The following PREX1 variants were observed in gnomAD, a reference collection of about 807,000 sequenced individuals.
PREX1 encodes phosphatidylinositol-3,4,5-trisphosphate dependent Rac exchange factor 1.
In PREX1, 41 loss-of-function variants were observed where a neutral mutation model predicts 198.3. The ratio of observed to expected loss-of-function variants is 0.21; its 90% CI spans 0.16 to 0.27. PREX1 has a LOEUF of 0.27. Among genes scored for constraint, PREX1 ranks in the 10% least tolerant of loss-of-function variants. The probability of loss-of-function intolerance (pLI) is 1.00; values close to 1 mark genes in which losing one functional copy is unlikely to be tolerated. For missense variants in PREX1, 1,620 were observed against 2,200.7 expected, an observed-to-expected ratio of 0.74 and a Z score of 5.28; for synonymous variants, 843 against 887.2, an observed-to-expected ratio of 0.95 and a Z score of 0.89.
intron 35 of PREX1, among the ~76,000 whole-genome samples, chr20:48,631,746 G>T (rs1254396801): frequency 6.6e-6 from 1 of 152,262 alleles, no homozygotes; most frequent in Middle Eastern, 3.4e-3. Context: ...GAAGGGCTGT[G>T]GGGGAGGGTG....
At position 48,661,445 on chromosome 20, in the gene PREX1, AT is replaced by A. The variant is rs1432246658; in HGVS notation, c.1739-1385del. On this transcript the variant is annotated intron_variant, in intron 15 of 39. Transcript: ENST00000371941. ...AAAAAAAAAAAAAAAAAAAAAAAAA[AT>A]ATATATATATATATATATATATACA... Among the ~76,000 whole-genome samples the A allele has an allele frequency of 4.3e-3, 231 of 53,130 alleles. 5 individuals carry two copies. Among genetic ancestry groups the A allele is most frequent in the African/African-American group, 6.6e-3 (52 of 7,854 alleles). The allele number at this position is 53,130 out of a possible 152,430, so 34.9% of individuals were successfully genotyped here.
intron 1 of PREX1, among the ~76,000 whole-genome samples, chr20:48,797,105 T>G (rs904357409): frequency 6.6e-6 from 1 of 152,088 alleles, no homozygotes; most frequent in Admixed American, 6.6e-5. Context: ...TTTTAAAATT[T>G]TAATGGAAGA....
At chr20:48,652,490 GAGGA>G in intron 21 of PREX1, 92 bp downstream of exon 21, 10 of 1,452,872 alleles carry the variant, frequency 6.9e-6, no homozygotes. Context: ...GACTGGCTGG[GAGGA>G]GGGGAGGGGA....
chr20:48,651,146 T>A (rs2089492898), intron 22 of PREX1, 91 bp from the exon 23 acceptor site: 1 of 1,476,800 alleles, frequency 6.8e-7, no homozygotes, highest in Non-Finnish European at 9.1e-7. Context: ...CTACTCGTAA[T>A]ACCCCCCGGG....
chr20:48,777,397 C>T (rs2090267490), intron 1 of PREX1, among the ~76,000 whole-genome samples: 1 of 152,182 alleles, frequency 6.6e-6, no homozygotes, highest in Non-Finnish European at 1.5e-5. Context: ...GCTGTTCAAC[C>T]CCAGCAACCT....
intron 4 of PREX1, among the ~76,000 whole-genome samples, chr20:48,733,705 C>CTGTTGT (rs71337454): frequency 6.9e-4 from 104 of 151,198 alleles, no homozygotes; most frequent in Admixed American, 9.9e-4. Flanking sequence ...GTTGTTGTTG[C>CTGTTGT]TGTTGTTGTT....
chr20:48,670,663 TC>T (rs1378095092), intron 14 of PREX1, among the ~76,000 whole-genome samples: 1 of 152,254 alleles, frequency 6.6e-6, no homozygotes, highest in Non-Finnish European at 1.5e-5. Context: ...TCTCTGAGTA[TC>T]CTTTCCTCAT....
chr20:48,763,886 T>A (rs2090195897), intron 1 of PREX1, among the ~76,000 whole-genome samples: 1 of 152,162 alleles, frequency 6.6e-6, no homozygotes, highest in Admixed American at 6.5e-5. Context: ...GTCAACTATG[T>A]ACCCAATGCT....
intron 5 of PREX1, among the ~76,000 whole-genome samples, chr20:48,720,004 T>C (rs2089978387): frequency 6.6e-6 from 1 of 152,156 alleles, no homozygotes; most frequent in Non-Finnish European, 1.5e-5. Flanking sequence ...GCTCTCTCCC[T>C]ATCCTCTTCC....
chr20:48,822,746 C>A (rs762568121), intron 1 of PREX1, among the ~76,000 whole-genome samples: 5 of 152,210 alleles, frequency 3.3e-5, no homozygotes, highest in African/African-American at 4.8e-5. Flanking sequence ...TTTTCTCCAA[C>A]CTAATGTCAC....
intron 15 of PREX1, among the ~76,000 whole-genome samples, chr20:48,661,927 G>A (rs923605546): frequency 3.9e-5 from 6 of 152,162 alleles, no homozygotes; most frequent in Admixed American, 6.6e-5. Flanking sequence ...ATCAAGGCTC[G>A]GAGAGGTAAA....
At position 48,666,323 on chromosome 20, in the gene PREX1, C is replaced by A. The variant is rs146526094; in HGVS notation, c.1698G>T (p.Ala566=). The change falls in exon 15 of 40, where the codon GCG becomes GCT. Residue 566 remains alanine, a synonymous_variant. Coordinates refer to ENST00000371941, the MANE Select transcript of PREX1 (RefSeq NM_020820.4). This position sits in a 1 kb window ranked among gnomAD's most constrained non-coding sequence, Gnocchi z 4.3. ...CATTGTTGCACAGACCCACGCCGAG[C>A]GCCACTGCCTCCTCCCGAGTCTGGC... ...GDCQTREEAV[A]LGVGLCNNGF... 3 of 1,570,116 alleles carry A rather than the reference C, an allele frequency of 1.9e-6. No homozygotes were observed. Among genetic ancestry groups the A allele is most frequent in the East Asian group, 2.4e-5 (1 of 41,966 alleles).
Position 48,652,709 on chromosome 20 carries a change from G to T in PREX1, c.2347-3C>A. On this transcript the variant is annotated splice_region_variant and splice_polypyrimidine_tract_variant and intron_variant, in intron 20 of 39. Coordinates refer to ENST00000371941, the MANE Select transcript of PREX1 (RefSeq NM_020820.4). ...TGGTAGATCCACTGGTACAGGCCCT[G>T]CCAGAAGCCAGAGTAAGGGGACAGC... 6.2e-7 allele frequency: 1 copy of T among 1,610,740 alleles called. No homozygotes were observed.
the PREX1 span, among the ~76,000 whole-genome samples, chr20:48,878,927 G>A: frequency 6.6e-6 from 1 of 152,126 alleles, no homozygotes; most frequent in Admixed American, 6.5e-5. Flanking sequence ...AAGTATTGAG[G>A]CTCCCAAGCC....
At position 48,625,714 on chromosome 20, in the gene PREX1, G is replaced by A; in HGVS notation, c.*171C>T. The A allele has an allele frequency of 2.6e-6, 2 of 779,610 alleles. No individual in the cohort carries two copies. Among genetic ancestry groups the A allele is most frequent in the Non-Finnish European group, 3.9e-6 (2 of 511,142 alleles). The allele number at this position is 779,610 out of a possible 1,614,324, so 48.3% of individuals were successfully genotyped here. ...GCCAATCAGCCAGCTCGTCATCACA[G>A]CGAGGGTGGCCAGGCTTGTCCCGGA... On this transcript the variant is annotated 3_prime_UTR_variant, in exon 40 of 40. Transcript: ENST00000371941.
intron 19 of PREX1, 57 bp from the exon 20 acceptor site, chr20:48,653,554 G>T: frequency 6.4e-7 from 1 of 1,571,948 alleles, no homozygotes; most frequent in South Asian, 1.1e-5. Flanking sequence ...GCAGCCCGCT[G>T]AACACTGTCC....
chr20:48,692,608 G>C (rs1449028787), intron 8 of PREX1, 64 bp downstream of exon 8: 2 of 1,317,538 alleles, frequency 1.5e-6, no homozygotes, highest in East Asian at 2.3e-5. Flanking sequence ...AAATGAAACA[G>C]AGAGAGTGCC....
chr20:48,856,981 A>C, the PREX1 span, among the ~76,000 whole-genome samples: 1 of 152,226 alleles, frequency 6.6e-6, no homozygotes, highest in African/African-American at 2.4e-5. Flanking sequence ...CTGGGATTAC[A>C]GGTGCATGCC....
chr20:48,808,690 CCCT>C, intron 1 of PREX1, among the ~76,000 whole-genome samples: 1 of 152,332 alleles, frequency 6.6e-6, no homozygotes, highest in South Asian at 2.1e-4. Context: ...CTTACAATGG[CCCT>C]CAAGGCCCTG....
Sources: gnomAD v4.1 joint callset for allele counts (sites outside exome capture counted in the v4.1 genomes callset) on GRCh38, gnomAD v4.1.1 for gene constraint, Gnocchi (gnomAD v3.1) non-coding constraint, MANE v1.5 for transcripts, NCBI Gene and HGNC (gene_info 2026-07-23, HGNC 2026-07-21) for gene names.